Variants in RMDN2 observed in about 807,000 individuals in gnomAD.
The protein encoded by RMDN2 is regulator of microtubule dynamics 2.
RMDN2 carries 61 observed loss-of-function variants against 52.8 expected under a neutral mutation model. The ratio of observed to expected loss-of-function variants is 1.16; its 90% CI spans 0.94 to 1.43. RMDN2 has a LOEUF of 1.43. Ranked by LOEUF, RMDN2 falls within the 40% of genes most tolerant of loss-of-function variation. The pLI is 0.00. For missense variants in RMDN2, 592 were observed against 475.3 expected (o/e 1.25, Z -2.28); for synonymous variants, 180 against 153.1 (o/e 1.18, Z -1.30).
At chr2:37,921,334 A>T (rs966487663), upstream of RMDN2, among the ~76,000 whole-genome samples, 5 of 152,216 alleles carry the variant, frequency 3.3e-5, no homozygotes, top group South Asian at 2.1e-4. Flanking sequence ...CTTTTCAGAA[A>T]TTTTTTTTGT....
At chr2:38,037,525 A>T (rs1462501748) in intron 10 of RMDN2, among the ~76,000 whole-genome samples, 4 of 152,250 alleles carry the variant, frequency 2.6e-5, no homozygotes, top group Admixed American at 1.3e-4. Context: ...ATTTTATGAA[A>T]GTCCCAGGAG....
intron 10 of RMDN2, among the ~76,000 whole-genome samples, chr2:38,047,954 C>A (rs1371554817): frequency 6.6e-6 from 1 of 152,134 alleles, no homozygotes; most frequent in Admixed American, 6.5e-5. Context: ...ATATTTCTTA[C>A]CTAAAATACT....
intron 2 of RMDN2, chr2:37,953,132 C>A (rs976201555): frequency 1.3e-4 from 19 of 151,844 alleles, no homozygotes; most frequent in African/African-American, 4.6e-4. Context: ...GTGGTTTTTT[C>A]TTGTTCTTAG....
intron 10 of RMDN2, among the ~76,000 whole-genome samples, chr2:38,054,616 C>T (rs1024443220): frequency 2.6e-5 from 4 of 152,218 alleles, no homozygotes; most frequent in African/African-American, 9.6e-5. Flanking sequence ...TTATTGTCCC[C>T]TCCCGTGTGC....
Position 37,991,261 on chromosome 2 carries a change from C to T in RMDN2, c.909C>T (p.Pro303=), listed in dbSNP as rs757190658. 1 of 1,589,864 alleles carries T rather than the reference C, an allele frequency of 6.3e-7. No individual in the cohort carries two copies. Among genetic ancestry groups the T allele is most frequent in the Admixed American group, 1.8e-5 (1 of 56,632 alleles). Residue 303 remains proline, a synonymous_variant, in exon 7 of 11, where the codon CCC becomes CCT. Coordinates refer to ENST00000354545, the MANE Select transcript of RMDN2 (RefSeq NM_001170791.3). ...DIAIKLLPEE[P]FLYYLKGRYC... ...CAATCAAACTTTTACCAGAGGAACC[C>T]TTTCTATATTACCTCAAAGGGAGAT...
Position 37,929,130 on chromosome 2 carries a change from T to G in RMDN2, c.-16-132T>G, listed in dbSNP as rs1378039004. On this transcript the variant is annotated intron_variant, in intron 1 of 10. Transcript: ENST00000354545. ...ACTTCCATTTGTCCTTTCCCACCCT[T>G]TGGGCTATTGTCCTACTTTTTGTAA... is the stretch of plus-strand genomic sequence containing the variant. 1.3e-5 allele frequency: 8 copies of G among 601,256 alleles called. No homozygotes were observed. The East Asian group carries it at 1.7e-4, about 13-fold the overall frequency. The allele number at this position is 601,256 out of a possible 1,614,324, so 37.2% of individuals were successfully genotyped here. A position where few individuals can be genotyped will look rare whatever the true frequency, so the allele number is the denominator to read the frequency against.
intron 4 of RMDN2, among the ~76,000 whole-genome samples, chr2:37,978,429 C>T (rs1476820124): frequency 6.6e-6 from 1 of 152,116 alleles, no homozygotes; most frequent in Admixed American, 6.5e-5. Context: ...GCAAAATAGA[C>T]ATGTTTTCAG....
intron 2 of RMDN2, among the ~76,000 whole-genome samples, chr2:37,940,864 A>G (rs1171867117): frequency 1.3e-5 from 2 of 152,116 alleles, no homozygotes; most frequent in South Asian, 2.1e-4. Context: ...GGAGTTTGTT[A>G]TTACCCACCT....
chr2:37,994,356 GC>G (rs1675225240), intron 7 of RMDN2, among the ~76,000 whole-genome samples: 1 of 152,208 alleles, frequency 6.6e-6, no homozygotes, highest in Admixed American at 6.5e-5. Context: ...AACAGGACAA[GC>G]TAGAAATTTC....
In RMDN2 at chr2:38,013,199, A is replaced by G. The variant is rs1036886640; in HGVS notation, c.1180-3987A>G. 1.8e-4 allele frequency among the ~76,000 whole-genome samples: 27 copies of G among 152,246 alleles called. 1 individual carries two copies. The highest frequency in any genetic ancestry group is 2.9e-5 in the Non-Finnish European group (2 of 68,044). ...AGAACGATTGCTGAATGAAATAATG[A>G]CTTCACTGGCAACCTGAAAGTTGTT... is the stretch of plus-strand genomic sequence containing the variant. On this transcript the variant is annotated intron_variant, in intron 10 of 10. Coordinates refer to ENST00000354545, the MANE Select transcript of RMDN2 (RefSeq NM_001170791.3).
At chr2:37,992,225 G>C (rs547400466) in intron 7 of RMDN2, among the ~76,000 whole-genome samples, 4 of 152,150 alleles carry the variant, frequency 2.6e-5, no homozygotes, top group Non-Finnish European at 4.4e-5. Flanking sequence ...CAATGAAAGA[G>C]GCAGCATTGA....
chr2:37,996,418 C>T (rs1169933472), intron 7 of RMDN2, among the ~76,000 whole-genome samples: 1 of 151,762 alleles, frequency 6.6e-6, no homozygotes, highest in East Asian at 1.9e-4. Context: ...GACCCTGTCT[C>T]TACAAAAAAT....
At chr2:37,931,693 C>G (rs538449569) in intron 2 of RMDN2, among the ~76,000 whole-genome samples, 2 of 152,334 alleles carry the variant, frequency 1.3e-5, no homozygotes, top group Non-Finnish European at 2.9e-5. Flanking sequence ...AATTATGGGA[C>G]TTAATGAATT....
At chr2:38,045,410 T>C (rs1336134638) in intron 10 of RMDN2, among the ~76,000 whole-genome samples, 2 of 152,220 alleles carry the variant, frequency 1.3e-5, no homozygotes, top group East Asian at 1.9e-4. Context: ...GTTATACATA[T>C]TAGATTTATA....
At chr2:37,969,106 G>A (rs1415777978) in intron 2 of RMDN2, among the ~76,000 whole-genome samples, 2 of 150,050 alleles carry the variant, frequency 1.3e-5, no homozygotes, top group Non-Finnish European at 3.0e-5. Context: ...CAGTTTACCT[G>A]TTGCTATACC....
exon 11 of RMDN2, chr2:38,067,002 A>G (rs751668401): frequency 6.2e-7 from 1 of 1,613,848 alleles, no homozygotes; most frequent in Non-Finnish European, 8.5e-7. Flanking sequence ...CTGGAAGATA[A>G]AGAGCCTTTG....
chr2:37,938,301 A>T (rs890170108), intron 2 of RMDN2, among the ~76,000 whole-genome samples: 2 of 152,192 alleles, frequency 1.3e-5, no homozygotes, highest in Non-Finnish European at 2.9e-5. Flanking sequence ...GTTTGCCAGT[A>T]TTTTATTGAG....
At chr2:38,009,584 C>T (rs563176068) in intron 10 of RMDN2, among the ~76,000 whole-genome samples, 19 of 152,256 alleles carry the variant, frequency 1.2e-4, no homozygotes, top group African/African-American at 2.2e-4. Context: ...GAATTCTCTG[C>T]GTTGATTATT....
At chr2:38,064,787 A>T (rs1682201187) in intron 10 of RMDN2, among the ~76,000 whole-genome samples, 1 of 151,964 alleles carries the variant, frequency 6.6e-6, no homozygotes, top group African/African-American at 2.4e-5. Flanking sequence ...TAAAAAAAAA[A>T]AATCTATGTA....
Sources: gnomAD v4.1 joint callset for allele counts (sites outside exome capture counted in the v4.1 genomes callset) on GRCh38, gnomAD v4.1.1 for gene constraint, MANE v1.5 for transcripts, NCBI Gene and HGNC (gene_info 2026-07-23, HGNC 2026-07-21) for gene names.